The following USP42 variants were observed in gnomAD, a reference collection of about 807,000 sequenced individuals.
USP42 encodes the protein ubiquitin specific peptidase 42.
A neutral mutation model predicts 113.0 loss-of-function variants in USP42; 23 were observed. The observed-to-expected ratio is 0.20, with a 90% confidence interval of 0.15 to 0.29. USP42 has a LOEUF of 0.29. USP42 is among the 10% of genes least tolerant of loss of function. USP42 has a pLI of 1.00. For synonymous variants in USP42, 933 were observed against 699.0 expected, an observed-to-expected ratio of 1.33 and a Z score of -5.28; for missense variants, 2,174 against 1,779.8, an observed-to-expected ratio of 1.22 and a Z score of -3.99.
At chr7:6,133,916 C>T (rs1326799782) in intron 3 of USP42, among the ~76,000 whole-genome samples, 4 of 132,670 alleles carry the variant, frequency 3.0e-5, no homozygotes, top group South Asian at 2.4e-4. Flanking sequence ...TTTGAGACAG[C>T]GTCTTGCTCT....
chr7:6,107,807 AG>A (rs1172158981), intron 1 of USP42, among the ~76,000 whole-genome samples: 1 of 152,112 alleles, frequency 6.6e-6, no homozygotes, highest in African/African-American at 2.4e-5. Flanking sequence ...CTGTATTTGG[AG>A]GATAAGGCTC....
chr7:6,137,744 G>GTCT (rs1197226244), intron 4 of USP42, among the ~76,000 whole-genome samples: 1 of 152,114 alleles, frequency 6.6e-6, no homozygotes, highest in African/African-American at 2.4e-5. Flanking sequence ...CAGTGGTGCA[G>GTCT]TCTTGGCTCA....
At chr7:6,098,521 AG>A in the USP42 span, among the ~76,000 whole-genome samples, 1 of 150,224 alleles carries the variant, frequency 6.7e-6, no homozygotes, top group Admixed American at 6.6e-5. Context: ...AGGGGGATAC[AG>A]GAACAGAAAG....
chr7:6,125,184 A>C (rs1169267226), intron 3 of USP42, among the ~76,000 whole-genome samples: 3 of 115,678 alleles, frequency 2.6e-5, no homozygotes, highest in African/African-American at 1.1e-4. Context: ...CTGTCTCAAC[A>C]AAAAAAAAAA....
At chr7:6,104,386 C>A (rs1030658266), upstream of USP42, among the ~76,000 whole-genome samples, 4 of 152,218 alleles carry the variant, frequency 2.6e-5, no homozygotes, top group African/African-American at 9.6e-5. Flanking sequence ...CGGCCCAGAC[C>A]TTGTTTCTAA....
Position 6,154,893 on chromosome 7 carries a change from C to T in USP42, c.3339C>T (p.Arg1113=). Residue 1113 remains arginine, a synonymous_variant, in exon 15 of 18, where the codon CGC becomes CGT. Transcript: ENST00000306177. ...CGGCCCGGGAGAGGGAGCGGCACCG[C>T]CCCAGCAGCCCCCGCGCAGGCGCGC... The part of the protein sequence containing the change: ...CEPARERERH[R]PSSPRAGAPH... The T allele has an allele frequency of 3.9e-6, 6 of 1,541,106 alleles. No homozygotes were observed. Among genetic ancestry groups the T allele is most frequent in the Non-Finnish European group, 5.3e-6 (6 of 1,141,894 alleles).
intron 2 of USP42, among the ~76,000 whole-genome samples, chr7:6,113,291 C>G (rs769271381): frequency 5.9e-5 from 9 of 152,104 alleles, no homozygotes; most frequent in Non-Finnish European, 1.3e-4. Flanking sequence ...GAAACACAAC[C>G]TAATCGAATG....
intron 3 of USP42, among the ~76,000 whole-genome samples, chr7:6,118,615 T>C (rs1780041733): frequency 6.6e-6 from 1 of 152,198 alleles, no homozygotes; most frequent in African/African-American, 2.4e-5. Context: ...CTTAAAGTTT[T>C]AGCTTTTGTT....
At chr7:6,107,766 C>A (rs1273623860) in intron 1 of USP42, among the ~76,000 whole-genome samples, 1 of 152,086 alleles carries the variant, frequency 6.6e-6, no homozygotes, top group Non-Finnish European at 1.5e-5. Flanking sequence ...TTCATAATTT[C>A]TTTTAACTAT....
chr7:6,141,601 C>G (rs924263623), intron 7 of USP42, among the ~76,000 whole-genome samples: 1 of 151,900 alleles, frequency 6.6e-6, no homozygotes, highest in African/African-American at 2.4e-5. Flanking sequence ...CTCCATTGCC[C>G]AGGCTGGAGT....
Position 6,139,932 on chromosome 7 carries a change from G to A in USP42, c.657-196G>A, listed in dbSNP as rs1022954681. The A allele has an allele frequency of 4.9e-5, 30 of 608,790 alleles. No individual in the cohort carries two copies. Among genetic ancestry groups the A allele is most frequent in the African/African-American group, 3.2e-4 (17 of 53,858 alleles). 37.7% of individuals were successfully genotyped at this position (608,790 alleles called of 1,614,324 possible). A position where few individuals can be genotyped will look rare whatever the true frequency, so the allele number is the denominator to read the frequency against. ...CTCCCACAGCTCTGCGTCTCCTCCC[G>A]CCACTCCCAGACCTCCCTGTGTTCT... On this transcript the variant is annotated intron_variant, in intron 5 of 17. Coordinates refer to ENST00000306177, the MANE Select transcript of USP42 (RefSeq NM_032172.3). This position sits in a 1 kb window ranked among gnomAD's most constrained non-coding sequence, Gnocchi z 4.5.
intron 3 of USP42, among the ~76,000 whole-genome samples, chr7:6,133,821 A>G (rs549346993): frequency 6.6e-6 from 1 of 151,348 alleles, no homozygotes; most frequent in African/African-American, 2.4e-5. Flanking sequence ...CACCTGGTGC[A>G]TTTTTCATCC....
intron 3 of USP42, among the ~76,000 whole-genome samples, chr7:6,135,568 T>C (rs1317973612): frequency 6.9e-6 from 1 of 144,646 alleles, no homozygotes; most frequent in African/African-American, 2.6e-5. Context: ...GGCAAATGGC[T>C]TGGACCCGGG....
Position 6,144,168 on chromosome 7 carries a change from C to A in USP42, c.962C>A (p.Ala321Glu). The change falls in exon 9 of 18, where the codon GCA becomes GAA. Residue 321 changes from alanine (A) to glutamate (E), a missense_variant. Ala to Glu is a moderately radical substitution (Grantham distance 107, BLOSUM62 -1). Transcript: ENST00000306177. ...NVLTLSLKRF[A>E]NFTGGKIAKD... ...CTTACACTTTCTCTGAAACGTTTTG[C>A]AAATTTTACCGGTGGAAAAATTGCT... 6.3e-7 allele frequency: 1 copy of A among 1,594,558 alleles called. No homozygotes were observed. Among genetic ancestry groups the A allele is most frequent in the Non-Finnish European group, 8.5e-7 (1 of 1,173,936 alleles).
chr7:6,137,165 G>T (rs1781194551), intron 4 of USP42, among the ~76,000 whole-genome samples: 1 of 152,110 alleles, frequency 6.6e-6, no homozygotes, highest in Non-Finnish European at 1.5e-5. Flanking sequence ...GGTAATTATA[G>T]GGATGTGTAA....
At chr7:6,112,812 G>A (rs753575326) in intron 2 of USP42, among the ~76,000 whole-genome samples, 17 of 151,790 alleles carry the variant, frequency 1.1e-4, no homozygotes, top group Non-Finnish European at 1.9e-4. Context: ...TTGTCTTCCA[G>A]TGTGGCCCAG....
intron 9 of USP42, among the ~76,000 whole-genome samples, chr7:6,145,036 CT>C (rs1781635581): frequency 6.6e-6 from 1 of 152,124 alleles, no homozygotes; most frequent in South Asian, 2.1e-4. Flanking sequence ...TAACCATGCC[CT>C]TTGAAAGGTG....
In USP42 at chr7:6,148,041, A is replaced by T. The variant is rs1781821764; in HGVS notation, c.1386+149A>T. On this transcript the variant is annotated intron_variant, in intron 12 of 17. Coordinates refer to ENST00000306177, the MANE Select transcript of USP42 (RefSeq NM_032172.3). ...ATCAAACCCTCTTACACAGTATTTC[A>T]AATATACAGAAAACGGCCGAGCGCA... 1.9e-5 allele frequency: 17 copies of T among 895,706 alleles called. No individual in the cohort carries two copies. In the South Asian group the frequency reaches 3.6e-4, roughly 19 times the overall value. 55.5% of individuals were successfully genotyped at this position (895,706 alleles called of 1,614,324 possible).
chr7:6,126,545 A>G (rs1780556113), intron 3 of USP42, among the ~76,000 whole-genome samples: 1 of 152,176 alleles, frequency 6.6e-6, no homozygotes, highest in Non-Finnish European at 1.5e-5. Context: ...TCAGCCTCCC[A>G]AAGTGCTGGG....
Sources: allele counts gnomAD v4.1 joint callset (sites outside exome capture counted in the v4.1 genomes callset), GRCh38; gene constraint gnomAD v4.1.1; non-coding constraint Gnocchi (gnomAD v3.1); transcripts MANE v1.5; gene names NCBI Gene and HGNC (gene_info 2026-07-23, HGNC 2026-07-21).